NTM: variants seen among roughly 807,000 people sequenced by gnomAD.
NTM encodes the protein neurotrimin, also known as IgLON family member 2.
NTM carries 13 observed loss-of-function variants against 42.1 expected under a neutral mutation model. The observed-to-expected ratio is 0.31, with a 90% confidence interval of 0.20 to 0.49. The LOEUF is 0.49. Among genes scored for constraint, NTM ranks in the 20% least tolerant of loss-of-function variants. The pLI is 0.99. For synonymous variants in NTM, 187 were observed against 179.2 expected (o/e 1.04, Z -0.35); for missense variants, 373 against 452.8 (o/e 0.82, Z 1.60).
intron 1 of NTM, among the ~76,000 whole-genome samples, chr11:131,382,710 G>A (rs188928844): frequency 3.3e-5 from 5 of 152,150 alleles, no homozygotes; most frequent in South Asian, 2.1e-4. Context: ...TGTGATCATC[G>A]CATGGCACAG....
chr11:132,090,473 C>G (rs2060250828), intron 2 of NTM, among the ~76,000 whole-genome samples: 2 of 152,088 alleles, frequency 1.3e-5, no homozygotes. Context: ...CTTCATCTGC[C>G]CTCCGTTTTA....
intron 1 of NTM, among the ~76,000 whole-genome samples, chr11:131,485,232 C>T (rs535654299): frequency 6.6e-6 from 1 of 152,308 alleles, no homozygotes; most frequent in South Asian, 2.1e-4. Context: ...AAGTAAAATG[C>T]AAACCTATGG....
At chr11:131,375,183 C>G (rs1009893029) in intron 1 of NTM, among the ~76,000 whole-genome samples, 1 of 152,072 alleles carries the variant, frequency 6.6e-6, no homozygotes, top group African/African-American at 2.4e-5. Flanking sequence ...AAAATCTCTC[C>G]CTCTGCGGGC....
intron 1 of NTM, among the ~76,000 whole-genome samples, chr11:131,555,068 G>A (rs76908576): frequency 0.013 from 2,002 of 152,192 alleles, 51 homozygotes; most frequent in African/African-American, 0.046. Flanking sequence ...AGTATGAGGT[G>A]GAACAATTAC....
intron 1 of NTM, chr11:131,911,094 G>A (rs2054831701): frequency 8.7e-7 from 1 of 1,149,288 alleles, no homozygotes; most frequent in Non-Finnish European, 1.1e-6. Context: ...TCCCCTTCTG[G>A]TACCAAAGTG....
At chr11:131,994,794 A>C (rs538374808) in intron 2 of NTM, among the ~76,000 whole-genome samples, 1 of 152,148 alleles carries the variant, frequency 6.6e-6, no homozygotes, top group South Asian at 2.1e-4. Flanking sequence ...TATTTCCCCC[A>C]TATATCTCAC....
chr11:132,275,594 G>A (rs2093674412), intron 4 of NTM, among the ~76,000 whole-genome samples: 1 of 146,700 alleles, frequency 6.8e-6, no homozygotes, highest in Non-Finnish European at 1.5e-5. Context: ...TCTTTTTAAA[G>A]TACTGTGTTT....
chr11:132,175,594 CCT>C (rs902035429), intron 3 of NTM, among the ~76,000 whole-genome samples: 10 of 150,518 alleles, frequency 6.6e-5, no homozygotes, highest in African/African-American at 2.0e-4. Context: ...TACCCACCCC[CCT>C]TTTTTTTTTC....
intron 7 of NTM, chr11:132,315,052 T>G: frequency 9.4e-7 from 1 of 1,059,330 alleles, no homozygotes; most frequent in South Asian, 4.6e-5. Context: ...AGGAGAAAAA[T>G]ACTTTGGAAT....
chr11:132,333,332 A>T (rs2095835584), intron 8 of NTM, among the ~76,000 whole-genome samples: 1 of 152,128 alleles, frequency 6.6e-6, no homozygotes, highest in Non-Finnish European at 1.5e-5. Flanking sequence ...ACTTACGCAG[A>T]GCAGAGAAAC....
At chr11:131,758,066 C>T (rs1210746324) in intron 1 of NTM, among the ~76,000 whole-genome samples, 6 of 152,292 alleles carry the variant, frequency 3.9e-5, no homozygotes, top group East Asian at 1.9e-4. Flanking sequence ...TACAGGGCTC[C>T]GCTGAGAGCA....
At chr11:131,716,007 A>G (rs1311896904) in intron 1 of NTM, among the ~76,000 whole-genome samples, 1 of 152,202 alleles carries the variant, frequency 6.6e-6, no homozygotes, top group African/African-American at 2.4e-5. Flanking sequence ...AGCTGCTGTA[A>G]CAAAACATTA....
chr11:131,638,539 C>T (rs569900173), intron 1 of NTM, among the ~76,000 whole-genome samples: 62 of 131,958 alleles, frequency 4.7e-4, no homozygotes, highest in African/African-American at 1.7e-3. Flanking sequence ...GCATTCCAGC[C>T]TAGGTGACAC....
chr11:132,113,887 C>G (rs2063545129), intron 2 of NTM, among the ~76,000 whole-genome samples: 1 of 152,172 alleles, frequency 6.6e-6, no homozygotes, highest in Non-Finnish European at 1.5e-5. Flanking sequence ...ACATCAGGCC[C>G]TAGCTTTCAG....
intron 1 of NTM, among the ~76,000 whole-genome samples, chr11:131,706,165 A>C (rs1181297021): frequency 6.6e-6 from 1 of 152,072 alleles, no homozygotes; most frequent in Non-Finnish European, 1.5e-5. Flanking sequence ...GATGGTAGCC[A>C]AACAAGAATA....
chr11:131,857,157 AACAG>A (rs1432214724), intron 1 of NTM, among the ~76,000 whole-genome samples: 8 of 152,192 alleles, frequency 5.3e-5, no homozygotes, highest in Non-Finnish European at 1.2e-4. Flanking sequence ...CCTTCCACAG[AACAG>A]ACACAGGTCA....
At chr11:132,118,178 G>A (rs750058448) in intron 2 of NTM, among the ~76,000 whole-genome samples, 3 of 152,076 alleles carry the variant, frequency 2.0e-5, no homozygotes, top group East Asian at 1.9e-4. Context: ...TTTTAAAAGC[G>A]TAAGTTGAGC....
At chr11:132,098,340 A>G (rs1171470716) in intron 2 of NTM, among the ~76,000 whole-genome samples, 5 of 152,224 alleles carry the variant, frequency 3.3e-5, no homozygotes, top group South Asian at 4.1e-4. Flanking sequence ...AGGTAGTCCA[A>G]TATTTTAAAG....
chr11:131,528,090 AGACTTCTGGTCCCAAG>A (rs1440364329), intron 1 of NTM, among the ~76,000 whole-genome samples: 2 of 152,242 alleles, frequency 1.3e-5, no homozygotes, highest in African/African-American at 4.8e-5. Flanking sequence ...AAAACCTGGA[AGACTTCTGGTCCCAAG>A]GATTGCAGAT....
Sources: allele counts gnomAD v4.1 joint callset (sites outside exome capture counted in the v4.1 genomes callset), GRCh38; gene constraint gnomAD v4.1.1; transcripts MANE v1.5; gene names NCBI Gene and HGNC (gene_info 2026-07-23, HGNC 2026-07-21).